Variants in RASGEF1C observed in about 807,000 individuals in gnomAD.
RASGEF1C encodes the protein ras-GEF domain-containing family member 1C.
RASGEF1C carries 27 observed loss-of-function variants against 58.1 expected under a neutral mutation model. The ratio of observed to expected loss-of-function variants is 0.46; its 90% confidence interval spans 0.34 to 0.64. RASGEF1C has a LOEUF of 0.64. Among genes scored for constraint, RASGEF1C ranks in the 30% least tolerant of loss-of-function variants. The pLI, the probability that RASGEF1C is intolerant of heterozygous loss-of-function variation, is 0.01. For synonymous variants in RASGEF1C, 243 were observed against 246.3 expected (o/e 0.99, Z 0.13); for missense variants, 502 against 605.1 (o/e 0.83, Z 1.79).
chr5:180,153,811 A>AC (rs398000109), intron 1 of RASGEF1C, among the ~76,000 whole-genome samples: 1 of 151,680 alleles, frequency 6.6e-6, no homozygotes, highest in African/African-American at 2.4e-5. Flanking sequence ...GCTAGCAGAA[A>AC]CAATACTGGT....
chr5:180,182,204 CAAAA>C (rs1156831010), intron 1 of RASGEF1C, among the ~76,000 whole-genome samples: 300 of 22,704 alleles, frequency 0.013, 2 homozygotes, highest in Non-Finnish European at 0.019. Context: ...GACTCCGTCT[CAAAA>C]AAAAAAAAAA....
chr5:180,152,773 G>A (rs911268529), intron 1 of RASGEF1C, among the ~76,000 whole-genome samples: 8 of 151,678 alleles, frequency 5.3e-5, no homozygotes, highest in African/African-American at 1.5e-4. Context: ...TTAGCTGGGC[G>A]TGGTGGCAGC....
intron 1 of RASGEF1C, among the ~76,000 whole-genome samples, chr5:180,195,634 C>A (rs1312658309): frequency 3.9e-5 from 6 of 152,032 alleles, no homozygotes; most frequent in African/African-American, 1.4e-4. Context: ...CGGTGGCGGG[C>A]GCCTGTAGTC....
intron 1 of RASGEF1C, among the ~76,000 whole-genome samples, chr5:180,170,522 G>T (rs115257148): frequency 6.6e-6 from 1 of 152,150 alleles, no homozygotes; most frequent in Non-Finnish European, 1.5e-5. Flanking sequence ...CAGCCCCCGC[G>T]CTACGCAGCT....
intron 1 of RASGEF1C, among the ~76,000 whole-genome samples, chr5:180,148,320 G>C (rs1372187636): frequency 3.3e-5 from 5 of 152,150 alleles, no homozygotes; most frequent in Non-Finnish European, 7.4e-5. Flanking sequence ...CTTTTGACTA[G>C]AGAGTGTAAT....
intron 1 of RASGEF1C, among the ~76,000 whole-genome samples, chr5:180,159,068 CT>C (rs1561746480): frequency 6.7e-6 from 1 of 150,174 alleles, no homozygotes. Flanking sequence ...ACTTTTTGTT[CT>C]TTTTTTCAGA....
intron 1 of RASGEF1C, among the ~76,000 whole-genome samples, chr5:180,163,400 C>T (rs1230326034): frequency 6.6e-6 from 1 of 151,756 alleles, no homozygotes; most frequent in Non-Finnish European, 1.5e-5. Flanking sequence ...TGAAAATGCC[C>T]TTTATCAGAT....
rs141903320 is a variant in RASGEF1C, at chr5:180,103,694, T to A, written c.1304-1551A>T. Among the ~76,000 whole-genome samples the A allele has an allele frequency of 8.9e-3, 1,350 of 152,356 alleles. 10 individuals carry two copies. Among genetic ancestry groups the A allele is most frequent in the Non-Finnish European group, 0.015 (993 of 68,036 alleles). Reference sequence around the variant, plus strand: ...CCTGTTCTTGCCTTATCGCACTAACTAGTTCTTCCATTACTATGATGACTA... The same window carrying A: ...CCTGTTCTTGCCTTATCGCACTAACAAGTTCTTCCATTACTATGATGACTA... On this transcript the variant is annotated intron_variant, in intron 12 of 13. Transcript: ENST00000361132.
rs76599368 is a variant in RASGEF1C, at chr5:180,112,448, C to A, written c.1180-868G>T. On this transcript the variant is annotated intron_variant, in intron 11 of 13. Transcript: ENST00000361132. ...CCACGGAGGCCATGCTGCACCTCTA[C>A]CCCCAGCCCCTCTCTGGGCTATAGA... Among the ~76,000 whole-genome samples the A allele has an allele frequency of 6.2e-3, 938 of 152,334 alleles. 44 individuals are homozygous for A. The East Asian group carries it at 0.11, about 18-fold the overall frequency.
intron 1 of RASGEF1C, among the ~76,000 whole-genome samples, chr5:180,167,179 C>T (rs192622754): frequency 3.0e-4 from 45 of 152,286 alleles, no homozygotes; most frequent in African/African-American, 1.1e-3. Flanking sequence ...ACTCTTTCTC[C>T]TGTCCTTCTG....
At chr5:180,196,626 T>C (rs1361986276) in intron 1 of RASGEF1C, among the ~76,000 whole-genome samples, 1 of 152,190 alleles carries the variant, frequency 6.6e-6, no homozygotes, top group Non-Finnish European at 1.5e-5. Context: ...GTATATCAAA[T>C]GTATTGGTAC....
rs905977078 is a variant in RASGEF1C at position 180,170,684 on chromosome 5, C to T, written c.-6-32626G>A. Among the ~76,000 whole-genome samples, 20 of 152,204 alleles carry T rather than the reference C, an allele frequency of 1.3e-4. No individual in the cohort carries two copies. The East Asian group carries it at 1.5e-3, about 12-fold the overall frequency. On this transcript the variant is annotated intron_variant, in intron 1 of 13. Coordinates refer to ENST00000361132, the MANE Select transcript of RASGEF1C (RefSeq NM_175062.4). Reference sequence around the variant, plus strand: ...TCACGAGCCACACCTGGCCCCCCAGCGGTGCTCTCCCTTTACCCCAGTCCT... The same window carrying T: ...TCACGAGCCACACCTGGCCCCCCAGTGGTGCTCTCCCTTTACCCCAGTCCT...
intron 1 of RASGEF1C, among the ~76,000 whole-genome samples, chr5:180,148,264 T>C (rs1372613685): frequency 6.6e-6 from 1 of 152,184 alleles, no homozygotes; most frequent in Admixed American, 6.5e-5. Flanking sequence ...TTGTGGACAA[T>C]ATATAGTTGG....
chr5:180,124,224 T>C (rs1362446801), intron 6 of RASGEF1C, among the ~76,000 whole-genome samples: 1 of 95,004 alleles, frequency 1.1e-5, no homozygotes, highest in Non-Finnish European at 2.1e-5. Context: ...AGAGCGAGAC[T>C]CTGTCTCAAA....
Position 180,191,874 on chromosome 5 carries a change from G to A in RASGEF1C, c.-7+17154C>T, listed in dbSNP as rs76947437. On this transcript the variant is annotated intron_variant, in intron 1 of 13. Transcript: ENST00000361132. The stretch of plus-strand genomic sequence containing the variant: ...TCAGGGGCTCACAGGCTGAGATCAC[G>A]GTGTTGGTCAGGGCTGCCCTCTCAT... 4.2e-3 allele frequency among the ~76,000 whole-genome samples: 642 copies of A among 152,316 alleles called. 2 individuals carry two copies. Among genetic ancestry groups the A allele is most frequent in the African/African-American group, 0.013 (546 of 41,560 alleles).
At chr5:180,148,441 G>A (rs996757490) in intron 1 of RASGEF1C, among the ~76,000 whole-genome samples, 3 of 151,020 alleles carry the variant, frequency 2.0e-5, no homozygotes, top group Admixed American at 6.6e-5. Flanking sequence ...CTGCAGTACT[G>A]TGTTCTTTTT....
intron 1 of RASGEF1C, among the ~76,000 whole-genome samples, chr5:180,154,611 C>T (rs1485284477): frequency 6.7e-6 from 1 of 149,512 alleles, no homozygotes; most frequent in Admixed American, 6.6e-5. Flanking sequence ...GATGGAGTCT[C>T]GCTCTGTCGC....
intron 1 of RASGEF1C, among the ~76,000 whole-genome samples, chr5:180,202,980 G>A (rs1418098039): frequency 6.6e-6 from 1 of 152,090 alleles, no homozygotes; most frequent in Non-Finnish European, 1.5e-5. Context: ...GGGATGACAG[G>A]TGTGAGCCAC....
chr5:180,121,676 CACA>C (rs1288915932), intron 6 of RASGEF1C, among the ~76,000 whole-genome samples: 101 of 35,642 alleles, frequency 2.8e-3, no homozygotes, highest in African/African-American at 6.2e-3. Flanking sequence ...CACACACACA[CACA>C]CACCCTCATT....
Sources: allele counts gnomAD v4.1 joint callset (sites outside exome capture counted in the v4.1 genomes callset), GRCh38; gene constraint gnomAD v4.1.1; transcripts MANE v1.5; gene names NCBI Gene and HGNC (gene_info 2026-07-23, HGNC 2026-07-21).